Variants in WDR44 observed in about 807,000 individuals in gnomAD.
The protein encoded by WDR44 is WD repeat domain 44.
In WDR44, 9 loss-of-function variants were observed where a neutral mutation model predicts 65.7. That is an observed-to-expected ratio of 0.14 (90% CI 0.08 to 0.24). The LOEUF (loss-of-function observed/expected upper bound fraction) is 0.24, where lower values mean the gene tolerates loss of function less well. Among genes scored for constraint, WDR44 ranks in the 10% least tolerant of loss-of-function variants. The probability of loss-of-function intolerance (pLI) is 1.00; values close to 1 mark genes in which losing one functional copy is unlikely to be tolerated. For missense variants in WDR44, 425 were observed against 670.9 expected, an observed-to-expected ratio of 0.63 and a Z score of 4.05; for synonymous variants, 220 against 235.2, an observed-to-expected ratio of 0.94 and a Z score of 0.59.
At chrX:118,355,813 C>T (rs2056453873) in intron 1 of WDR44, among the ~76,000 whole-genome samples, 1 of 111,254 alleles carries the variant, frequency 9.0e-6, no homozygotes, top group African/African-American at 3.3e-5. Flanking sequence ...TCTCCAGTCA[C>T]CCTTAAACAC....
At chrX:118,365,213 C>T (rs926517984) in intron 1 of WDR44, among the ~76,000 whole-genome samples, 2 of 112,312 alleles carry the variant, frequency 1.8e-5, no homozygotes. Flanking sequence ...CAGTCTTTGT[C>T]TGAGCAATCA....
In WDR44 at chrX:118,410,388, C is replaced by T. The variant is rs183180093; in HGVS notation, c.1673-507C>T. 4.0e-3 allele frequency among the ~76,000 whole-genome samples: 442 copies of T among 111,389 alleles called. 2 individuals carry two copies. The highest frequency in any genetic ancestry group is 9.9e-3 in the African/African-American group (305 of 30,700). ...CTAGACCTCATATACTTGAGTAAAT[C>T]CTGTGAGTATTGCTTGCATTATGTT... On this transcript the variant is annotated intron_variant, in intron 11 of 19. Transcript: ENST00000254029.
At chrX:118,378,558 T>G in intron 2 of WDR44, 106 bp downstream of exon 2, 1 of 799,653 alleles carries the variant, frequency 1.3e-6, no homozygotes, top group Non-Finnish European at 1.8e-6. Context: ...TTACTTACTT[T>G]TTGCTCAGTA....
At chrX:118,446,050 AAAAG>A in intron 19 of WDR44, among the ~76,000 whole-genome samples, 1 of 109,101 alleles carries the variant, frequency 9.2e-6, no homozygotes, top group Middle Eastern at 4.7e-3. Context: ...AAAAAAAAAA[AAAAG>A]ACCAAGGTGA....
chrX:118,439,592 CA>C lies in WDR44; in HGVS notation c.1975-1772del, dbSNP rs766844072. Among the ~76,000 whole-genome samples, 492 of 110,442 alleles carry C rather than the reference CA, an allele frequency of 4.5e-3. 1 individual carries two copies. The highest frequency in any genetic ancestry group is 0.015 in the African/African-American group (463 of 30,334). On this transcript the variant is annotated intron_variant, in intron 14 of 19. Transcript: ENST00000254029. ...CTCCGTCTCAAAAAAAAAGGAATAGCAAAATGGAGATACACATACATAGATG... is the reference window on the plus strand; with the variant it reads ...CTCCGTCTCAAAAAAAAAGGAATAGCAAATGGAGATACACATACATAGATG...
chrX:118,445,891 G>A (rs1206671190), intron 19 of WDR44, among the ~76,000 whole-genome samples: 3 of 110,409 alleles, frequency 2.7e-5, no homozygotes, highest in African/African-American at 6.6e-5. Flanking sequence ...TTAGCTGGGC[G>A]TGGTAGTGCA....
chrX:118,395,539 ATTT>A (rs1335415128), intron 6 of WDR44, among the ~76,000 whole-genome samples, 195 bp downstream of exon 6: 1 of 111,003 alleles, frequency 9.0e-6, no homozygotes, highest in Non-Finnish European at 1.9e-5. Context: ...CCACAATTTA[ATTT>A]TTTTTAAGTT....
At position 118,355,640 on chromosome X, in the gene WDR44, TG is replaced by T. The variant is rs1205538493; in HGVS notation, c.77+9061del. Among the ~76,000 whole-genome samples the T allele has an allele frequency of 3.7e-4, 42 of 112,354 alleles. 3 individuals are homozygous for T. In the South Asian group the frequency reaches 0.015, roughly 41 times the overall value. ...TATGTCCCAGATCATAGCCCTTAGC[TG>T]TTGACTTTTAACCTTTGCCTTATTT... On this transcript the variant is annotated intron_variant, in intron 1 of 19. Coordinates refer to ENST00000254029, the MANE Select transcript of WDR44 (RefSeq NM_019045.5).
At chrX:118,424,145 T>C (rs1451902838) in intron 12 of WDR44, among the ~76,000 whole-genome samples, 4 of 107,511 alleles carry the variant, frequency 3.7e-5, no homozygotes, top group African/African-American at 1.4e-4. Flanking sequence ...CATATGGTAG[T>C]TCTATTTTAA....
chrX:118,346,315 C>A lies in WDR44; in HGVS notation c.-189C>A. The A allele has an allele frequency of 2.4e-6, 1 of 424,000 alleles. No homozygotes were observed. The highest frequency in any genetic ancestry group is 4.1e-6 in the Non-Finnish European group (1 of 242,313). The allele number at this position is 424,000 out of a possible 1,213,427, so 34.9% of individuals were successfully genotyped here. On this transcript the variant is annotated 5_prime_UTR_variant, in exon 1 of 20. Transcript: ENST00000254029. The stretch of plus-strand genomic sequence containing the variant: ...TCAGGCGGCCGCTTTGCCGGTCATT[C>A]CCGAAGCCCGGCAACTGAGGGCGGC...
At chrX:118,402,435 CAAA>C (rs758497932) in intron 8 of WDR44, among the ~76,000 whole-genome samples, 1 of 14,424 alleles carries the variant, frequency 6.9e-5, no homozygotes, top group Admixed American at 1.1e-3. Context: ...AACTCTGTCT[CAAA>C]AAAAAAAAAA....
intron 2 of WDR44, among the ~76,000 whole-genome samples, chrX:118,381,387 TG>T (rs1276672943): frequency 1.8e-5 from 2 of 109,323 alleles, no homozygotes; most frequent in Non-Finnish European, 3.8e-5. Context: ...GAGAATCACT[TG>T]AATCTGAGAG....
At chrX:118,362,659 A>G (rs1444497264) in intron 1 of WDR44, among the ~76,000 whole-genome samples, 2 of 110,318 alleles carry the variant, frequency 1.8e-5, no homozygotes, top group Admixed American at 1.9e-4. Flanking sequence ...CATTCAGTGA[A>G]CACTATTAAA....
chrX:118,392,124 C>T, intron 3 of WDR44, among the ~76,000 whole-genome samples: 1 of 111,869 alleles, frequency 8.9e-6, no homozygotes, highest in Middle Eastern at 4.6e-3. Flanking sequence ...GTTTTTGGGT[C>T]ATAAGCTTGA....
At chrX:118,378,377 A>C in intron 1 of WDR44, 42 bp from the exon 2 acceptor site, 1 of 1,136,280 alleles carries the variant, frequency 8.8e-7, no homozygotes. Flanking sequence ...TTGTCTTCTC[A>C]TCTCCTCTAT....
chrX:118,398,915 A>G (rs2056889220), intron 8 of WDR44, among the ~76,000 whole-genome samples: 1 of 111,946 alleles, frequency 8.9e-6, no homozygotes, highest in South Asian at 3.7e-4. Flanking sequence ...CAAAAAAAAA[A>G]TGGTAATAAT....
intron 14 of WDR44, among the ~76,000 whole-genome samples, chrX:118,439,302 G>A (rs1171583904): frequency 9.2e-6 from 1 of 108,855 alleles, no homozygotes; most frequent in Non-Finnish European, 1.9e-5. Flanking sequence ...TGGGCCAGGC[G>A]TGGTGGCTCA....
intron 12 of WDR44, among the ~76,000 whole-genome samples, chrX:118,421,247 A>G (rs1028916189): frequency 8.9e-6 from 1 of 112,308 alleles, no homozygotes; most frequent in Non-Finnish European, 1.9e-5. Context: ...TATCTGTAGT[A>G]TCTTTTATTG....
At chrX:118,408,624 C>G (rs990504613) in intron 10 of WDR44, among the ~76,000 whole-genome samples, 1 of 111,814 alleles carries the variant, frequency 8.9e-6, no homozygotes, top group Non-Finnish European at 1.9e-5. Flanking sequence ...GTCTCAAACT[C>G]CTGAGCTCAA....
Sources: allele counts gnomAD v4.1 joint callset (sites outside exome capture counted in the v4.1 genomes callset), GRCh38; gene constraint gnomAD v4.1.1; transcripts MANE v1.5; gene names NCBI Gene and HGNC (gene_info 2026-07-23, HGNC 2026-07-21).